The following PCDH15 variants were observed in gnomAD, a reference collection of about 807,000 sequenced individuals.
PCDH15 encodes protocadherin related 15.
In PCDH15, 129 loss-of-function variants were observed where a neutral mutation model predicts 178.5. That is an observed-to-expected ratio of 0.72 (90% CI 0.63 to 0.84). The LOEUF (loss-of-function observed/expected upper bound fraction) is 0.84, where lower values mean the gene tolerates loss of function less well. Among genes scored for constraint, PCDH15 ranks in the 40% least tolerant of loss-of-function variants. The probability of loss-of-function intolerance (pLI) is 0.00; values close to 1 mark genes in which losing one functional copy is unlikely to be tolerated. For synonymous variants in PCDH15, 800 were observed against 732.0 expected (o/e 1.09, Z -1.50); for missense variants, 2,230 against 2,099.9 (o/e 1.06, Z -1.21).
At chr10:54,351,174 C>G (rs1156461117) in intron 5 of PCDH15, among the ~76,000 whole-genome samples, 1 of 151,462 alleles carries the variant, frequency 6.6e-6, no homozygotes, top group Admixed American at 6.6e-5. Flanking sequence ...CTTTTTTGTG[C>G]TATTATAAAA....
chr10:54,234,130 TTCTGTGTGTGTGTGTGTGTGTGTGTG>T (rs1178581205), intron 9 of PCDH15, among the ~76,000 whole-genome samples: 15 of 103,096 alleles, frequency 1.5e-4, no homozygotes, highest in African/African-American at 4.4e-4. Context: ...GGATATCCCC[TTCTGTGTGTGTGTGTGTGTGTGTGTG>T]TGTGTGTGTG....
chr10:54,898,346 AG>A (rs2131822762), intron 2 of PCDH15, among the ~76,000 whole-genome samples: 1 of 152,306 alleles, frequency 6.6e-6, no homozygotes, highest in East Asian at 1.9e-4. Flanking sequence ...ATCATAATAA[AG>A]TTTTGGATAA....
intron 1 of PCDH15, among the ~76,000 whole-genome samples, chr10:55,255,196 T>C (rs547598818): frequency 1.3e-5 from 2 of 149,610 alleles, no homozygotes; most frequent in South Asian, 4.3e-4. Flanking sequence ...AGTTAGAACA[T>C]GCGGTGTTTG....
intron 1 of PCDH15, among the ~76,000 whole-genome samples, chr10:54,746,518 C>G (rs1446778253): frequency 6.6e-6 from 1 of 152,024 alleles, no homozygotes; most frequent in Non-Finnish European, 1.5e-5. Context: ...GTGGTGATTA[C>G]CCCATTTACC....
intron 2 of PCDH15, among the ~76,000 whole-genome samples, chr10:54,945,362 T>TAG (rs1234953084): frequency 1.7e-4 from 24 of 144,576 alleles, no homozygotes; most frequent in East Asian, 1.2e-3. Context: ...GATAGATAGA[T>TAG]ATATAGATAG....
chr10:55,458,841 G>A (rs879699328), intron 2 of PCDH15, among the ~76,000 whole-genome samples: 2 of 151,966 alleles, frequency 1.3e-5, no homozygotes, highest in Admixed American at 6.6e-5. Context: ...TAGACAATAC[G>A]TACAGACTAG....
chr10:55,019,850 C>G (rs1216418407), intron 2 of PCDH15, among the ~76,000 whole-genome samples: 3 of 151,958 alleles, frequency 2.0e-5, no homozygotes, highest in Non-Finnish European at 2.9e-5. Context: ...TGTTTCAATA[C>G]TCAACACAAT....
chr10:54,442,414 C>CTA (rs71007859), intron 3 of PCDH15, among the ~76,000 whole-genome samples: 278 of 19,016 alleles, frequency 0.015, 2 homozygotes, highest in East Asian at 0.033. Flanking sequence ...GCCTTAAAGG[C>CTA]TATATATATA....
At chr10:53,945,447 A>T (rs2086458391) in intron 23 of PCDH15, among the ~76,000 whole-genome samples, 1 of 117,522 alleles carries the variant, frequency 8.5e-6, no homozygotes, top group Admixed American at 1.1e-4. Context: ...TTCCCTTAGC[A>T]ATGTACAATA....
intron 2 of PCDH15, among the ~76,000 whole-genome samples, chr10:55,408,917 G>A (rs1838269159): frequency 6.6e-6 from 1 of 151,924 alleles, no homozygotes; most frequent in African/African-American, 2.4e-5. Flanking sequence ...TATTTGGCAT[G>A]GTGTATCACC....
intron 3 of PCDH15, among the ~76,000 whole-genome samples, chr10:54,856,596 C>T (rs926160082): frequency 6.6e-6 from 1 of 152,098 alleles, no homozygotes; most frequent in Admixed American, 6.6e-5. Context: ...AAAGTTTATG[C>T]CCTGATATTT....
chr10:53,823,294 G>C (rs753501214), intron 32 of PCDH15: 9 of 1,613,914 alleles, frequency 5.6e-6, no homozygotes, highest in Non-Finnish European at 5.1e-6. Context: ...ACTTGTTGAT[G>C]TTTCCTGTCT....
At chr10:54,172,097 G>A (rs1321925195) in intron 13 of PCDH15, among the ~76,000 whole-genome samples, 1 of 152,112 alleles carries the variant, frequency 6.6e-6, no homozygotes, top group Non-Finnish European at 1.5e-5. Context: ...CGCATCCCCT[G>A]TGACTTGCAC....
At position 54,387,878 on chromosome 10, in the gene PCDH15, G is replaced by A. The variant is rs751968809; in HGVS notation, c.158-8936C>T. 2.6e-5 allele frequency among the ~76,000 whole-genome samples: 4 copies of A among 152,138 alleles called. No homozygotes were observed. In the South Asian group the frequency reaches 8.3e-4, roughly 32 times the overall value. On this transcript the variant is annotated intron_variant, in intron 3 of 37. Transcript: ENST00000644397. ...TTTGTGTGGCAAACAGCAGGACCTA[G>A]ACCAAATCCCTGGTGTTTTGGTAAC...
chr10:54,688,937 C>T (rs905753527), intron 1 of PCDH15, among the ~76,000 whole-genome samples: 1 of 151,940 alleles, frequency 6.6e-6, no homozygotes, highest in African/African-American at 2.4e-5. Flanking sequence ...TTTATAATGT[C>T]AAAATAAGGT....
intron 2 of PCDH15, among the ~76,000 whole-genome samples, chr10:55,486,027 T>C (rs1012774892): frequency 3.3e-5 from 5 of 151,740 alleles, no homozygotes; most frequent in Non-Finnish European, 7.4e-5. Context: ...ATGGATGAAT[T>C]AAGTGTGTGC....
chr10:54,996,120 A>T (rs1161727125), intron 2 of PCDH15, among the ~76,000 whole-genome samples: 2 of 152,274 alleles, frequency 1.3e-5, no homozygotes, highest in East Asian at 3.9e-4. Context: ...CACATTGCTC[A>T]TGGCTCAGAC....
At chr10:55,596,531 T>C (rs1842938276) in intron 2 of PCDH15, among the ~76,000 whole-genome samples, 1 of 152,048 alleles carries the variant, frequency 6.6e-6, no homozygotes, top group East Asian at 1.9e-4. Flanking sequence ...GAAAATAATA[T>C]CTACTCCAGC....
At chr10:55,197,774 T>C (rs1190508591) in intron 1 of PCDH15, among the ~76,000 whole-genome samples, 2 of 152,132 alleles carry the variant, frequency 1.3e-5, no homozygotes, top group Non-Finnish European at 2.9e-5. Context: ...TTTTAAGTGG[T>C]ATTACAGTGA....
Sources: gnomAD v4.1 joint callset for allele counts (sites outside exome capture counted in the v4.1 genomes callset) on GRCh38, gnomAD v4.1.1 for gene constraint, MANE v1.5 for transcripts, NCBI Gene and HGNC (gene_info 2026-07-23, HGNC 2026-07-21) for gene names.